The following SNTG1 variants were observed in gnomAD, a reference collection of about 807,000 sequenced individuals.
The protein encoded by SNTG1 is gamma-1-syntrophin.
Under a neutral mutation model 74.7 loss-of-function variants are expected in SNTG1, and 39 were observed. That is an observed-to-expected ratio of 0.52 (90% CI 0.40 to 0.68). SNTG1 has a LOEUF of 0.68. Ranked by LOEUF, SNTG1 falls within the 30% of genes least tolerant of loss-of-function variation. The pLI is 0.00. For synonymous variants in SNTG1, 254 were observed against 217.1 expected, an observed-to-expected ratio of 1.17 and a Z score of -1.49; for missense variants, 685 against 609.5, an observed-to-expected ratio of 1.12 and a Z score of -1.30.
At chr8:50,497,854 A>G (rs1382265555) in intron 8 of SNTG1, among the ~76,000 whole-genome samples, 4 of 152,072 alleles carry the variant, frequency 2.6e-5, no homozygotes, top group African/African-American at 2.4e-5. Flanking sequence ...ATGTAAATGT[A>G]ATCATATAAT....
At position 50,043,913 on chromosome 8, in the gene SNTG1, G is replaced by T. The variant is rs138665525; in HGVS notation, c.-102-128648G>T. ...CAGCCTAGGGAGATGTCCTTAGTGA[G>T]GACATTTAAGAACCAACAGAAAATC... On this transcript the variant is annotated intron_variant, in intron 1 of 18. Coordinates refer to ENST00000642720, the MANE Select transcript of SNTG1 (RefSeq NM_018967.5). Among the ~76,000 whole-genome samples the T allele has an allele frequency of 2.1e-3, 321 of 152,262 alleles. 3 individuals are homozygous for T. The highest frequency in any genetic ancestry group is 7.2e-3 in the African/African-American group (299 of 41,556).
intron 13 of SNTG1, among the ~76,000 whole-genome samples, chr8:50,627,198 G>T (rs1403369295): frequency 1.3e-5 from 2 of 151,998 alleles, no homozygotes; most frequent in Admixed American, 1.3e-4. Flanking sequence ...GAGTCACTTT[G>T]TTTTCTGTGA....
intron 2 of SNTG1, among the ~76,000 whole-genome samples, chr8:50,251,706 G>A (rs1391350784): frequency 2.6e-5 from 4 of 151,798 alleles, no homozygotes; most frequent in African/African-American, 9.7e-5. Context: ...ACCCAAAACA[G>A]GTCTAGCAAG....
chr8:50,442,171 C>G (rs1363667762), intron 5 of SNTG1, among the ~76,000 whole-genome samples: 1 of 152,140 alleles, frequency 6.6e-6, no homozygotes, highest in African/African-American at 2.4e-5. Flanking sequence ...AAAAGAAATC[C>G]TTTTTAACCT....
At chr8:50,454,712 C>G (rs2131642599) in intron 8 of SNTG1, among the ~76,000 whole-genome samples, 1 of 150,882 alleles carries the variant, frequency 6.6e-6, no homozygotes, top group African/African-American at 2.4e-5. Flanking sequence ...CGTGGTGGCG[C>G]ACGCCTGTAA....
chr8:50,713,757 A>G (rs1402277376), intron 17 of SNTG1, among the ~76,000 whole-genome samples: 1 of 152,106 alleles, frequency 6.6e-6, no homozygotes, highest in East Asian at 1.9e-4. Context: ...TCCCAGCACC[A>G]TATATTAAAT....
At chr8:50,694,734 G>T (rs1241279710) in intron 15 of SNTG1, among the ~76,000 whole-genome samples, 1 of 151,974 alleles carries the variant, frequency 6.6e-6, no homozygotes, top group East Asian at 1.9e-4. Flanking sequence ...CATTTACCAT[G>T]ATCAAGTGGG....
intron 15 of SNTG1, among the ~76,000 whole-genome samples, chr8:50,687,838 T>C (rs2095359488): frequency 1.3e-5 from 2 of 152,198 alleles, no homozygotes; most frequent in Admixed American, 1.3e-4. Context: ...TTTTTGTCCT[T>C]GCGATATTTT....
In SNTG1 at chr8:50,392,699, A is replaced by G. The variant is rs2092678056; in HGVS notation, c.-27-1513A>G. ...CTTTTCTGAACAAACAACTGATATT[A>G]TCACCTAATGTTTTGATGAAAAAGA... is the stretch of plus-strand genomic sequence containing the variant. On this transcript the variant is annotated intron_variant, in intron 2 of 18. Transcript: ENST00000642720. 2.0e-5 allele frequency among the ~76,000 whole-genome samples: 3 copies of G among 152,336 alleles called. No homozygotes were observed. The South Asian group carries it at 6.2e-4, about 32-fold the overall frequency.
intron 13 of SNTG1, among the ~76,000 whole-genome samples, chr8:50,629,679 C>T (rs1271296809): frequency 6.6e-6 from 1 of 152,070 alleles, no homozygotes; most frequent in Admixed American, 6.6e-5. Flanking sequence ...ATAAAAGATT[C>T]TTTTGCTCTC....
intron 13 of SNTG1, among the ~76,000 whole-genome samples, chr8:50,656,150 G>C (rs1447655434): frequency 6.6e-6 from 1 of 152,160 alleles, no homozygotes; most frequent in Non-Finnish European, 1.5e-5. Flanking sequence ...GCACAGAGTT[G>C]TGATGAGAAA....
intron 1 of SNTG1, among the ~76,000 whole-genome samples, chr8:49,995,952 A>G (rs1384486326): frequency 1.3e-5 from 2 of 152,346 alleles, no homozygotes; most frequent in Middle Eastern, 3.4e-3. Context: ...GTTTTAATGA[A>G]TCTATAACTT....
At chr8:50,282,891 C>G (rs930189874) in intron 2 of SNTG1, among the ~76,000 whole-genome samples, 9 of 152,188 alleles carry the variant, frequency 5.9e-5, no homozygotes, top group African/African-American at 2.2e-4. Flanking sequence ...CAATTGTGTC[C>G]TGTTACAAAG....
chr8:50,724,390 T>G (rs2095495049), intron 17 of SNTG1, among the ~76,000 whole-genome samples: 1 of 152,148 alleles, frequency 6.6e-6, no homozygotes, highest in South Asian at 2.1e-4. Context: ...CTCGGGCTAA[T>G]AATAAGTAAT....
chr8:50,112,012 T>G (rs941394723), intron 1 of SNTG1, among the ~76,000 whole-genome samples: 1 of 152,034 alleles, frequency 6.6e-6, no homozygotes, highest in Non-Finnish European at 1.5e-5. Context: ...TTTAAGAAAA[T>G]TATATTTTAT....
chr8:50,221,124 G>A (rs570513521), intron 2 of SNTG1, among the ~76,000 whole-genome samples: 1 of 152,178 alleles, frequency 6.6e-6, no homozygotes, highest in Admixed American at 6.5e-5. Flanking sequence ...TATATATTTG[G>A]AAATTAAAGG....
At chr8:50,468,400 C>T (rs1341182323) in intron 8 of SNTG1, among the ~76,000 whole-genome samples, 1 of 152,008 alleles carries the variant, frequency 6.6e-6, no homozygotes, top group Non-Finnish European at 1.5e-5. Context: ...CATTCCCCCC[C>T]TTAGCTTTAG....
intron 13 of SNTG1, among the ~76,000 whole-genome samples, chr8:50,619,716 G>T (rs1585864716): frequency 6.9e-6 from 1 of 145,690 alleles, no homozygotes; most frequent in South Asian, 2.2e-4. Context: ...GGGCGACAGA[G>T]CGAGACTCCG....
chr8:50,327,430 C>G (rs187808596), intron 2 of SNTG1, among the ~76,000 whole-genome samples: 1 of 152,176 alleles, frequency 6.6e-6, no homozygotes, highest in East Asian at 1.9e-4. Flanking sequence ...ACTCCTGTTA[C>G]TTTTTCTTGC....
Sources: gnomAD v4.1 joint callset for allele counts (sites outside exome capture counted in the v4.1 genomes callset) on GRCh38, gnomAD v4.1.1 for gene constraint, MANE v1.5 for transcripts, NCBI Gene and HGNC (gene_info 2026-07-23, HGNC 2026-07-21) for gene names.